Variants in STON2 observed in about 807,000 individuals in gnomAD.
The protein encoded by STON2 is stonin-2.
STON2 carries 29 observed loss-of-function variants against 65.7 expected under a neutral mutation model. The ratio of observed to expected loss-of-function variants is 0.44; its 90% CI spans 0.33 to 0.60. STON2 has a LOEUF of 0.60. STON2 is among the 20% of genes least tolerant of loss of function. STON2 has a pLI of 0.03. For missense variants in STON2, 1,054 were observed against 1,118.1 expected (o/e 0.94, Z 0.82); for synonymous variants, 404 against 414.2 (o/e 0.98, Z 0.30).
At chr14:81,281,010 CAAAAAAAA>C (rs796161809) in intron 5 of STON2, among the ~76,000 whole-genome samples, 1 of 63,070 alleles carries the variant, frequency 1.6e-5, no homozygotes, top group African/African-American at 4.7e-5. Context: ...AACTCCGTCT[CAAAAAAAA>C]AAAAAAAAGA....
rs1300338777 is a variant in STON2, at chr14:81,345,849, T to C, written c.572-21662A>G. On this transcript the variant is annotated intron_variant, in intron 4 of 7. Coordinates refer to ENST00000614646, the MANE Select transcript of STON2 (RefSeq NM_001394390.1). The stretch of plus-strand genomic sequence containing the variant: ...GGAGACTAATACATATAAGACTCCA[T>C]ATAAGCCTGAGGAAAAGTCAGCTAT... Among the ~76,000 whole-genome samples, 3 of 152,162 alleles carry C rather than the reference T, an allele frequency of 2.0e-5. No homozygotes were observed. In the East Asian group the frequency reaches 5.8e-4, roughly 29 times the overall value.
intron 4 of STON2, among the ~76,000 whole-genome samples, chr14:81,342,747 G>A (rs1339635647): frequency 2.6e-5 from 4 of 152,018 alleles, no homozygotes; most frequent in African/African-American, 9.7e-5. Context: ...GGAGTCCCGG[G>A]TACATGAACC....
chr14:81,276,838 A>G (rs1481529690), intron 6 of STON2, 63 bp downstream of exon 6: 2 of 1,543,184 alleles, frequency 1.3e-6, no homozygotes, highest in Non-Finnish European at 1.8e-6. Context: ...AGGATGTGGA[A>G]CTTTGATCTC....
At chr14:81,386,174 CA>C (rs1481505500) in intron 3 of STON2, among the ~76,000 whole-genome samples, 3 of 152,020 alleles carry the variant, frequency 2.0e-5, no homozygotes, top group Non-Finnish European at 4.4e-5. Flanking sequence ...ACGGACTCCA[CA>C]AAGGTCATTA....
At chr14:81,304,889 A>C (rs1306122974) in intron 5 of STON2, among the ~76,000 whole-genome samples, 1 of 152,214 alleles carries the variant, frequency 6.6e-6, no homozygotes, top group Non-Finnish European at 1.5e-5. Context: ...ATAGCTTTTT[A>C]CAAAGTGAAG....
chr14:81,423,903 CGA>C (rs1315926170), intron 2 of STON2, among the ~76,000 whole-genome samples: 1 of 152,116 alleles, frequency 6.6e-6, no homozygotes, highest in Non-Finnish European at 1.5e-5. Flanking sequence ...TGGCACAGTG[CGA>C]GAGTCGATGT....
intron 3 of STON2, among the ~76,000 whole-genome samples, chr14:81,383,343 AC>A (rs1461016748): frequency 6.6e-6 from 1 of 152,228 alleles, no homozygotes; most frequent in African/African-American, 2.4e-5. Flanking sequence ...CTGATGAGGC[AC>A]TAGCAAAAGT....
chr14:81,405,211 T>TGCAGATTACTG (rs1471542958), upstream of STON2, among the ~76,000 whole-genome samples: 1 of 152,168 alleles, frequency 6.6e-6, no homozygotes, highest in Non-Finnish European at 1.5e-5. Context: ...AATCTGTCCT[T>TGCAGATTACTG]GCGTTCACTG....
At chr14:81,362,659 A>C (rs1898545700) in intron 4 of STON2, among the ~76,000 whole-genome samples, 1 of 152,248 alleles carries the variant, frequency 6.6e-6, no homozygotes, top group Non-Finnish European at 1.5e-5. Flanking sequence ...CACCACAAAA[A>C]TAATAAGTAT....
chr14:81,278,184 T>C lies in STON2; in HGVS notation c.1298A>G (p.Gln433Arg). The change falls in exon 6 of 8, where the codon CAG becomes CGG. Residue 433 changes from glutamine to arginine, a missense_variant. Gln to Arg is a conservative substitution (Grantham distance 43). Coordinates refer to ENST00000614646, the MANE Select transcript of STON2 (RefSeq NM_001394390.1). ...AISFDDSSKTQSHSDAVEKLK... is the reference protein window; with the variant it reads ...AISFDDSSKTRSHSDAVEKLK... ...TTTTTCAACAGCATCAGAGTGTGAC[T>C]GGGTTTTGCTTGAATCATCAAAACT... 6.2e-7 allele frequency: 1 copy of C among 1,614,204 alleles called. No individual in the cohort carries two copies. Among genetic ancestry groups the C allele is most frequent in the Admixed American group, 1.7e-5 (1 of 60,024 alleles).
chr14:81,333,235 C>T (rs2140273235), intron 4 of STON2: 4 of 840,930 alleles, frequency 4.8e-6, no homozygotes, highest in Middle Eastern at 3.6e-4. Context: ...TAGTTTTTCC[C>T]GAATTTCTGT....
chr14:81,419,168 G>A (rs1901584313), intron 2 of STON2, among the ~76,000 whole-genome samples: 1 of 152,094 alleles, frequency 6.6e-6, no homozygotes, highest in African/African-American at 2.4e-5. Flanking sequence ...TCTTGTGAGT[G>A]CTTACTCTAT....
At position 81,278,389 on chromosome 14, in the gene STON2, G is replaced by T; in HGVS notation, c.1093C>A (p.Pro365Thr). The stretch of plus-strand genomic sequence containing the variant: ...AGGAAAGGGTTGGTTGCCCTCCAAG[G>T]TGAAGCCTCAGTTACAGAAGGCGTG... The part of the protein sequence containing the change: ...NRTPSVTEAS[P>T]WRATNPFLNE... The change falls in exon 6 of 8, where the codon CCT (proline) becomes ACT (threonine). Residue 365 changes from proline (P) to threonine (T), a missense_variant. By Grantham distance (38) the Pro-to-Thr change is conservative. Transcript: ENST00000614646. 1.9e-6 allele frequency: 3 copies of T among 1,614,228 alleles called. No homozygotes were observed. Among genetic ancestry groups the T allele is most frequent in the Non-Finnish European group, 2.5e-6 (3 of 1,180,046 alleles).
At chr14:81,361,668 T>G (rs1438095566) in intron 4 of STON2, among the ~76,000 whole-genome samples, 1 of 152,000 alleles carries the variant, frequency 6.6e-6, no homozygotes, top group Non-Finnish European at 1.5e-5. Flanking sequence ...AAATAAAAAG[T>G]TTTTGTACAA....
intron 3 of STON2, among the ~76,000 whole-genome samples, chr14:81,375,693 A>C (rs1473812418): frequency 1.3e-5 from 2 of 151,982 alleles, no homozygotes; most frequent in Non-Finnish European, 2.9e-5. Flanking sequence ...CGCTGATCTA[A>C]TGATCATAGA....
chr14:81,272,390 TAG>T (rs1894636789), intron 6 of STON2, among the ~76,000 whole-genome samples: 2 of 152,196 alleles, frequency 1.3e-5, no homozygotes, highest in African/African-American at 4.8e-5. Context: ...CAACTAGCTA[TAG>T]ATAAACAACA....
intron 2 of STON2, among the ~76,000 whole-genome samples, chr14:81,396,596 A>G (rs1566942563): frequency 6.6e-6 from 1 of 152,176 alleles, no homozygotes; most frequent in Admixed American, 6.5e-5. Context: ...ATTCAAATTC[A>G]AATTTCAAAT....
At chr14:81,424,989 C>T (rs538728399) in intron 2 of STON2, among the ~76,000 whole-genome samples, 8 of 152,202 alleles carry the variant, frequency 5.3e-5, no homozygotes, top group Non-Finnish European at 1.2e-4. Context: ...GGTCCTGACA[C>T]CACTAATAGC....
intron 3 of STON2, among the ~76,000 whole-genome samples, chr14:81,377,766 T>C (rs569436649): frequency 1.2e-4 from 18 of 152,350 alleles, no homozygotes; most frequent in African/African-American, 3.8e-4. Flanking sequence ...GATAATGATA[T>C]TGAATATCTT....
Sources: allele counts gnomAD v4.1 joint callset (sites outside exome capture counted in the v4.1 genomes callset), GRCh38; gene constraint gnomAD v4.1.1; transcripts MANE v1.5; gene names NCBI Gene and HGNC (gene_info 2026-07-23, HGNC 2026-07-21).